TTLL5: variants seen among roughly 807,000 people sequenced by gnomAD.
TTLL5 encodes the protein tubulin tyrosine ligase like 5, also known as tubulin polyglutamylase TTLL5.
In TTLL5, 132 loss-of-function variants were observed where a neutral mutation model predicts 168.4. The ratio of observed to expected loss-of-function variants is 0.78; its 90% confidence interval spans 0.68 to 0.91. The LOEUF is 0.91. TTLL5 is among the 40% of genes least tolerant of loss of function. TTLL5 has a pLI of 0.00. For missense variants in TTLL5, 1,545 were observed against 1,581.5 expected, an observed-to-expected ratio of 0.98 and a Z score of 0.39; for synonymous variants, 546 against 558.6, an observed-to-expected ratio of 0.98 and a Z score of 0.32.
At chr14:75,723,656 G>A (rs1887987507) in intron 12 of TTLL5, among the ~76,000 whole-genome samples, 1 of 151,984 alleles carries the variant, frequency 6.6e-6, no homozygotes, top group Non-Finnish European at 1.5e-5. Flanking sequence ...GGAAGCTTGG[G>A]AGCTTCATTA....
rs2140202544 is a variant in TTLL5 at position 75,719,765 on chromosome 14, A to C, written c.873A>C (p.Gly291=). 6.2e-7 allele frequency: 1 copy of C among 1,612,810 alleles called. No homozygotes were observed. The highest frequency in any genetic ancestry group is 1.1e-5 in the South Asian group (1 of 90,776). ...SCDDPEVEDY[G]NKWSMSAMLR... ...ACGATCCAGAAGTGGAGGATTATGG[A>C]AACAAATGGAGCATGAGTGCTATGC... Residue 291 remains glycine (G), a synonymous_variant, in exon 11 of 32, where the codon GGA becomes GGC. Transcript: ENST00000298832.
chr14:75,820,015 C>A lies in TTLL5; in HGVS notation c.3180C>A (p.Asn1060Lys), dbSNP rs374567289. Residue 1060 changes from asparagine to lysine, a missense_variant, in exon 28 of 32, where the codon AAC becomes AAA. Transcript: ENST00000298832. ...CCTCGCTTTATTTCTAGGTAACAAA[C>A]CTGAATTTGGCAACTGGCATCATAA... The part of the protein sequence containing the change: ...HINLLTQQVT[N>K]LNLATGIINR... 5 of 1,596,560 alleles carry A rather than the reference C, an allele frequency of 3.1e-6. No individual in the cohort carries two copies. The highest frequency in any genetic ancestry group is 4.3e-6 in the Non-Finnish European group (5 of 1,173,522).
intron 31 of TTLL5, among the ~76,000 whole-genome samples, chr14:75,916,924 C>G (rs1027764742): frequency 6.6e-6 from 1 of 152,094 alleles, no homozygotes; most frequent in Non-Finnish European, 1.5e-5. Context: ...GTGAAATGAG[C>G]CAATCACAAA....
intron 31 of TTLL5, among the ~76,000 whole-genome samples, chr14:75,923,990 T>C (rs1421291741): frequency 1.3e-5 from 2 of 151,988 alleles, no homozygotes; most frequent in Admixed American, 6.5e-5. Context: ...TGATCTTTAT[T>C]GGTTTAAAGT....
intron 5 of TTLL5, chr14:75,684,068 C>T: frequency 5.2e-6 from 1 of 193,802 alleles, no homozygotes; most frequent in Non-Finnish European, 1.1e-5. Context: ...GCCACCACGC[C>T]CGGCCAGAAG....
At chr14:75,928,944 C>A (rs1342352470) in intron 31 of TTLL5, among the ~76,000 whole-genome samples, 5 of 152,096 alleles carry the variant, frequency 3.3e-5, no homozygotes, top group Non-Finnish European at 4.4e-5. Flanking sequence ...GGCATAAATC[C>A]ATTTTTCTTT....
chr14:75,776,725 G>A lies in TTLL5; in HGVS notation c.2284-22G>A, dbSNP rs201503899. On this transcript the variant is annotated intron_variant, in intron 22 of 31. Coordinates refer to ENST00000298832, the MANE Select transcript of TTLL5 (RefSeq NM_015072.5). ...GTCAGTTTTATCTTGTTGTTTTTCT[G>A]TGGGGTTTGGGCACTGGGTAGGAAA... 6.3e-6 allele frequency: 10 copies of A among 1,586,944 alleles called. No individual in the cohort carries two copies. The East Asian group carries it at 2.2e-4, about 36-fold the overall frequency.
At chr14:75,898,843 A>G (rs1343272831) in intron 30 of TTLL5, among the ~76,000 whole-genome samples, 2 of 152,164 alleles carry the variant, frequency 1.3e-5, no homozygotes, top group Non-Finnish European at 2.9e-5. Flanking sequence ...CTTAAGAATA[A>G]TTTTTACTAT....
chr14:75,857,375 G>C (rs182926762), intron 28 of TTLL5, among the ~76,000 whole-genome samples: 2 of 91,792 alleles, frequency 2.2e-5, no homozygotes, highest in African/African-American at 8.1e-5. Context: ...TTGATTGGTT[G>C]GTTGATTAGA....
At chr14:75,791,178 A>G (rs1362478659) in intron 26 of TTLL5, among the ~76,000 whole-genome samples, 1 of 151,566 alleles carries the variant, frequency 6.6e-6, no homozygotes, top group African/African-American at 2.4e-5. Flanking sequence ...TTGTGACCCA[A>G]CAATTCCACT....
chr14:75,737,585 T>G (rs1253527297), intron 15 of TTLL5: 2 of 1,535,680 alleles, frequency 1.3e-6, no homozygotes, highest in Non-Finnish European at 1.7e-6. Context: ...TCTGCACAGT[T>G]TCAGTCGTCA....
intron 26 of TTLL5, among the ~76,000 whole-genome samples, chr14:75,790,462 T>G (rs1294310520): frequency 6.6e-6 from 1 of 151,698 alleles, no homozygotes; most frequent in Non-Finnish European, 1.5e-5. Context: ...GGAATTTTCT[T>G]TCTTTTTTTC....
intron 31 of TTLL5, among the ~76,000 whole-genome samples, chr14:75,924,397 G>A (rs1249561842): frequency 6.6e-6 from 1 of 151,610 alleles, no homozygotes; most frequent in East Asian, 1.9e-4. Flanking sequence ...AGTGAACAAA[G>A]GTCTCTGGTT....
At chr14:75,746,577 G>T (rs1308210508) in intron 17 of TTLL5, among the ~76,000 whole-genome samples, 1 of 127,384 alleles carries the variant, frequency 7.9e-6, no homozygotes, top group Non-Finnish European at 1.6e-5. Flanking sequence ...TTTTTTTGGA[G>T]ACAGTGTCTC....
rs1453254261 is a variant in TTLL5, at chr14:75,783,213, C to A, written c.2669C>A (p.Ala890Asp). 6.2e-7 allele frequency: 1 copy of A among 1,614,164 alleles called. No homozygotes were observed. Among genetic ancestry groups the A allele is most frequent in the Non-Finnish European group, 8.5e-7 (1 of 1,180,042 alleles). Residue 890 changes from alanine (A) to aspartate (D), a missense_variant, in exon 26 of 32, where the codon GCT (alanine) becomes GAT (aspartate). By Grantham distance (126) the Ala-to-Asp change is moderately radical. Transcript: ENST00000298832. ...AGCAATTCCTCCTCTGGTCCTACTGCTACTCTGCAGAAAATTCCCAACACC... is the reference window on the plus strand; with the variant it reads ...AGCAATTCCTCCTCTGGTCCTACTGATACTCTGCAGAAAATTCCCAACACC... ...VYSNSSSGPT[A>D]TLQKIPNTHL...
chr14:75,747,667 A>T (rs1026910606), intron 17 of TTLL5, among the ~76,000 whole-genome samples: 2 of 152,138 alleles, frequency 1.3e-5, no homozygotes, highest in Non-Finnish European at 2.9e-5. Flanking sequence ...CCTCCACTAA[A>T]GAGTCTTTTG....
chr14:75,817,570 TTTTTC>T (rs1368259438), intron 27 of TTLL5, among the ~76,000 whole-genome samples: 1 of 152,164 alleles, frequency 6.6e-6, no homozygotes, highest in Non-Finnish European at 1.5e-5. Context: ...AAAATGACCT[TTTTTC>T]TTTCAGAATT....
At chr14:75,906,831 A>T in intron 31 of TTLL5, 1 of 634,374 alleles carries the variant, frequency 1.6e-6, no homozygotes, top group Non-Finnish European at 2.0e-6. Flanking sequence ...GATGCTCCCA[A>T]ACTGGGTCAA....
intron 29 of TTLL5, among the ~76,000 whole-genome samples, chr14:75,880,225 C>G (rs2031732498): frequency 2.6e-5 from 4 of 151,908 alleles, no homozygotes; most frequent in Admixed American, 2.0e-4. Context: ...AAAATAGGAG[C>G]TCACTAAACT....
Sources: allele counts gnomAD v4.1 joint callset (sites outside exome capture counted in the v4.1 genomes callset), GRCh38; gene constraint gnomAD v4.1.1; transcripts MANE v1.5; gene names NCBI Gene and HGNC (gene_info 2026-07-23, HGNC 2026-07-21).